The following CDC123 variants were observed in gnomAD, a reference collection of about 807,000 sequenced individuals.
The protein encoded by CDC123 is translation initiation factor eIF2 assembly protein.
In CDC123, 37 loss-of-function variants were observed where a neutral mutation model predicts 54.4. That is an observed-to-expected ratio of 0.68 (90% CI 0.52 to 0.89). The LOEUF (loss-of-function observed/expected upper bound fraction) is 0.89, where lower values mean the gene tolerates loss of function less well. Ranked by LOEUF, CDC123 falls within the 40% of genes least tolerant of loss-of-function variation. CDC123 has a pLI of 0.00. For synonymous variants in CDC123, 144 were observed against 136.8 expected, an observed-to-expected ratio of 1.05 and a Z score of -0.37; for missense variants, 361 against 412.1, an observed-to-expected ratio of 0.88 and a Z score of 1.07.
intron 1 of CDC123, 62 bp downstream of exon 1, chr10:12,196,381 TCTTA>T: frequency 6.2e-7 from 1 of 1,609,084 alleles, no homozygotes; most frequent in East Asian, 2.2e-5. Flanking sequence ...TCTGAGCGAA[TCTTA>T]CTGCTATCCA....
chr10:12,209,964 T>A lies in CDC123; in HGVS notation c.147-3T>A, dbSNP rs1176886384. 1 of 1,614,154 alleles carries A rather than the reference T, an allele frequency of 6.2e-7. No individual in the cohort carries two copies. Among genetic ancestry groups the A allele is most frequent in the Admixed American group, 1.7e-5 (1 of 60,016 alleles). On this transcript the variant is annotated splice_polypyrimidine_tract_variant and splice_region_variant and intron_variant, in intron 2 of 12. Coordinates refer to ENST00000281141, the MANE Select transcript of CDC123 (RefSeq NM_006023.3). ...TTCTTGATGTTTGTTTGTGTTTTTT[T>A]AGGGATGATCCACCAACACATTCTC... is the stretch of plus-strand genomic sequence containing the variant.
chr10:12,246,348 G>T, intron 11 of CDC123, 71 bp downstream of exon 11: 5 of 1,553,692 alleles, frequency 3.2e-6, no homozygotes, highest in Non-Finnish European at 4.4e-6. Context: ...TTCTTCAGAC[G>T]CATAGGTAGG....
chr10:12,245,458 T>A (rs558838592), intron 10 of CDC123: 1 of 152,304 alleles, frequency 6.6e-6, no homozygotes, highest in Admixed American at 6.6e-5. Flanking sequence ...GGTTTCACCA[T>A]GTTGCCCAGG....
At chr10:12,196,389 C>T in intron 1 of CDC123, 70 bp downstream of exon 1, 5 of 1,603,222 alleles carry the variant, frequency 3.1e-6, no homozygotes, top group Admixed American at 1.7e-5. Flanking sequence ...AATCTTACTG[C>T]TATCCAAAAA....
intron 4 of CDC123, among the ~76,000 whole-genome samples, chr10:12,211,064 G>A (rs1378277691): frequency 1.3e-5 from 2 of 152,094 alleles, no homozygotes; most frequent in East Asian, 3.8e-4. Context: ...AGAGGTATGT[G>A]ACTTTTACCA....
In CDC123 at chr10:12,196,259, A is replaced by G. The variant is rs1422079302; in HGVS notation, c.14A>G (p.His5Arg). 10 of 1,613,772 alleles carry G rather than the reference A, an allele frequency of 6.2e-6. No individual in the cohort carries two copies. The highest frequency in any genetic ancestry group is 1.7e-5 in the Admixed American group (1 of 59,980). Residue 5 changes from histidine to arginine, a missense_variant, in exon 1 of 13, where the codon CAT (histidine) becomes CGT (arginine). Coordinates refer to ENST00000281141, the MANE Select transcript of CDC123 (RefSeq NM_006023.3). ...GGCAGCTGGAGGATGAAGAAGGAGC[A>G]TGTGCTTCACTGCCAGTTCTCCGCG... MKKE[H>R]VLHCQFSAWY...
chr10:12,226,571 C>T (rs930802219), intron 6 of CDC123, among the ~76,000 whole-genome samples: 1 of 151,262 alleles, frequency 6.6e-6, no homozygotes, highest in African/African-American at 2.4e-5. Context: ...CTCCTCAGTT[C>T]CCAGACAGCG....
intron 6 of CDC123, among the ~76,000 whole-genome samples, chr10:12,221,577 G>A (rs552305972): frequency 3.9e-5 from 6 of 152,242 alleles, no homozygotes; most frequent in South Asian, 2.1e-4. Context: ...GCTGTGATTC[G>A]TTTAGATCAA....
At chr10:12,211,301 C>T (rs10752258) in intron 4 of CDC123, among the ~76,000 whole-genome samples, 151,309 of 152,270 alleles carry the variant, frequency 0.99, 75,187 homozygotes, top group Middle Eastern at 1. Flanking sequence ...GGCAGAAATA[C>T]AGAAAACTAG....
In CDC123 at chr10:12,241,867, T is replaced by C. The variant is rs569252336; in HGVS notation, c.717+3382T>C. ...TGAGACTGTCGCCTTCTGGAGTTTG[T>C]GTCTGAGTTCTGATTCCCTTCCTGT... On this transcript the variant is annotated intron_variant, in intron 10 of 12. Transcript: ENST00000281141. 9.8e-5 allele frequency among the ~76,000 whole-genome samples: 15 copies of C among 152,348 alleles called. No individual in the cohort carries two copies. The East Asian group carries it at 2.5e-3, about 25-fold the overall frequency.
intron 10 of CDC123, among the ~76,000 whole-genome samples, chr10:12,240,005 C>CT (rs1272649299): frequency 7.8e-4 from 86 of 110,160 alleles, no homozygotes; most frequent in African/African-American, 2.8e-3. Context: ...GAGACTCCGT[C>CT]TCAAAAAAAA....
chr10:12,198,271 T>C (rs1413634909), intron 1 of CDC123, among the ~76,000 whole-genome samples: 2 of 152,222 alleles, frequency 1.3e-5, no homozygotes, highest in Non-Finnish European at 2.9e-5. Flanking sequence ...AACCCAAGAA[T>C]GGTTTCCAGA....
chr10:12,250,214 TAC>T, intron 12 of CDC123, 95 bp from the exon 13 acceptor site: 1 of 693,938 alleles, frequency 1.4e-6, no homozygotes, highest in South Asian at 2.3e-5. Context: ...AATTTTTAAT[TAC>T]ATCCTTTGCC....
chr10:12,229,406 C>T (rs1835869465), intron 6 of CDC123, among the ~76,000 whole-genome samples: 1 of 152,212 alleles, frequency 6.6e-6, no homozygotes, highest in African/African-American at 2.4e-5. Context: ...TTCTGTCCAG[C>T]TCCATCTGTC....
Position 12,217,393 on chromosome 10 carries a change from G to A in CDC123, c.366G>A (p.Leu122=). The A allele has an allele frequency of 1.2e-6, 2 of 1,613,894 alleles. No individual in the cohort carries two copies. Among genetic ancestry groups the A allele is most frequent in the Non-Finnish European group, 8.5e-7 (1 of 1,179,890 alleles). ...DAYWIAMNSS[L]KCKTLSDIFL... is the part of the protein sequence containing the mutation. Reference sequence around the variant, plus strand: ...ATTGGATAGCAATGAATAGTTCTCTGAAATGTAAAACCCTCAGCGACATCT... The same window carrying A: ...ATTGGATAGCAATGAATAGTTCTCTAAAATGTAAAACCCTCAGCGACATCT... The change falls in exon 6 of 13, where the codon CTG becomes CTA. Residue 122 remains leucine, a synonymous_variant. Transcript: ENST00000281141.
chr10:12,216,796 T>C (rs759666203), intron 5 of CDC123, among the ~76,000 whole-genome samples: 1 of 152,246 alleles, frequency 6.6e-6, no homozygotes, highest in Non-Finnish European at 1.5e-5. Context: ...CTGAGCTTTG[T>C]GCCTGCTTTG....
chr10:12,229,547 G>C (rs188281599), intron 6 of CDC123, among the ~76,000 whole-genome samples: 2 of 152,256 alleles, frequency 1.3e-5, no homozygotes, highest in East Asian at 3.9e-4. Flanking sequence ...GCCCCTTCTT[G>C]ACTACCACTC....
Position 12,237,212 on chromosome 10 carries a change from T to A in CDC123, c.634T>A (p.Cys212Ser). Reference sequence around the variant, plus strand: ...TAAACAAAAGGAAGAAATTCGCAGATGCATACAAGACTTTTTCAAGAAACA... The same window carrying A: ...TAAACAAAAGGAAGAAATTCGCAGAAGCATACAAGACTTTTTCAAGAAACA... ...ISKQKEEIRR[C>S]IQDFFKKHIQ... The change falls in exon 9 of 13, where the codon TGC becomes AGC. Residue 212 changes from cysteine (C) to serine (S), a missense_variant. Cys to Ser is a moderately radical substitution (Grantham distance 112, BLOSUM62 -1). Coordinates refer to ENST00000281141, the MANE Select transcript of CDC123 (RefSeq NM_006023.3). The A allele has an allele frequency of 6.3e-7, 1 of 1,591,786 alleles. No homozygotes were observed. The highest frequency in any genetic ancestry group is 8.5e-7 in the Non-Finnish European group (1 of 1,172,448).
chr10:12,198,227 T>A (rs1420304288), intron 1 of CDC123, among the ~76,000 whole-genome samples: 1 of 152,180 alleles, frequency 6.6e-6, no homozygotes, highest in East Asian at 1.9e-4. Context: ...CATCCAAAAG[T>A]ATCATGAATT....
Sources: gnomAD v4.1 joint callset for allele counts (sites outside exome capture counted in the v4.1 genomes callset) on GRCh38, gnomAD v4.1.1 for gene constraint, MANE v1.5 for transcripts, NCBI Gene and HGNC (gene_info 2026-07-23, HGNC 2026-07-21) for gene names.